Variants in ATCAY observed in about 807,000 individuals in gnomAD.
The protein encoded by ATCAY is caytaxin.
A neutral mutation model predicts 47.7 loss-of-function variants in ATCAY; 22 were observed. The observed-to-expected ratio is 0.46, with a 90% CI of 0.33 to 0.66. The LOEUF (loss-of-function observed/expected upper bound fraction) is 0.66, where lower values mean the gene tolerates loss of function less well. Ranked by LOEUF, ATCAY falls within the 30% of genes least tolerant of loss-of-function variation. The pLI is 0.02. For missense variants in ATCAY, 452 were observed against 515.0 expected (o/e 0.88, Z 1.18); for synonymous variants, 216 against 207.6 (o/e 1.04, Z -0.35).
Position 3,917,755 on chromosome 19 carries a change from A to T in ATCAY, c.979A>T (p.Arg327Ter). 1 of 1,613,522 alleles carries T rather than the reference A, an allele frequency of 6.2e-7. No individual in the cohort carries two copies. Among genetic ancestry groups the T allele is most frequent in the East Asian group, 2.2e-5 (1 of 44,850 alleles). ...PDCVLQYEEE[R>*]LKARRESARP... is the part of the protein sequence containing the mutation. ...TCTTTCTTTCAGATACGAAGAGGAAAGACTGAAGGCCAGGAGGGAGAGGTG... is the reference window on the plus strand; with the variant it reads ...TCTTTCTTTCAGATACGAAGAGGAATGACTGAAGGCCAGGAGGGAGAGGTG... The change falls in exon 10 of 13, where the codon AGA becomes TGA. Residue 327 changes from arginine to a stop codon, truncating the protein, a stop_gained. Coordinates refer to ENST00000450849, the MANE Select transcript of ATCAY (RefSeq NM_033064.5). LOFTEE classifies it high-confidence loss of function.
At chr19:3,912,932 A>G (rs2038935950) in intron 8 of ATCAY, among the ~76,000 whole-genome samples, 1 of 150,862 alleles carries the variant, frequency 6.6e-6, no homozygotes, top group South Asian at 2.1e-4. Flanking sequence ...ACCACATGGT[A>G]TCAGATGGCC....
At chr19:3,915,847 G>A (rs778336255) in intron 9 of ATCAY, among the ~76,000 whole-genome samples, 77 of 149,740 alleles carry the variant, frequency 5.1e-4, no homozygotes, top group Admixed American at 1.0e-3. Context: ...GAGCCACCAC[G>A]CCTGGCCGAT....
At chr19:3,883,471 C>T (rs529649071) in intron 1 of ATCAY, among the ~76,000 whole-genome samples, 5 of 152,298 alleles carry the variant, frequency 3.3e-5, no homozygotes, top group Non-Finnish European at 5.9e-5. Context: ...GAAATCCTTT[C>T]GCAAACACGG....
At chr19:3,883,394 GAGAC>G (rs2038620365) in intron 1 of ATCAY, among the ~76,000 whole-genome samples, 1 of 152,184 alleles carries the variant, frequency 6.6e-6, no homozygotes, top group Admixed American at 6.6e-5. Flanking sequence ...AAGCTGTTGA[GAGAC>G]AGACAGAGGT....
intron 2 of ATCAY, 100 bp from the exon 3 acceptor site, chr19:3,902,387 G>T: frequency 1.8e-6 from 2 of 1,107,150 alleles, no homozygotes; most frequent in Middle Eastern, 2.7e-4. Context: ...TTTTGTTCTT[G>T]TCTGACTCGC....
In ATCAY at chr19:3,926,562, G is replaced by A. The variant is rs1463991939; in HGVS notation, c.*1970G>A. 1 of 152,252 alleles carries A rather than the reference G, an allele frequency of 6.6e-6. No individual in the cohort carries two copies. Among genetic ancestry groups the A allele is most frequent in the African/African-American group, 2.4e-5 (1 of 41,464 alleles). 9.4% of individuals were successfully genotyped at this position (152,252 alleles called of 1,614,324 possible). ...TCTTGACCTGAGACAGCAAGGAATT[G>A]CATTTGGGGTTATTCCAACGATGAT... On this transcript the variant is annotated 3_prime_UTR_variant, in exon 13 of 13. Coordinates refer to ENST00000450849, the MANE Select transcript of ATCAY (RefSeq NM_033064.5).
At chr19:3,919,234 T>C (rs2038994779) in intron 11 of ATCAY, among the ~76,000 whole-genome samples, 1 of 149,598 alleles carries the variant, frequency 6.7e-6, no homozygotes, top group Non-Finnish European at 1.5e-5. Context: ...GCCGAGATAG[T>C]ACCACTGCAC....
chr19:3,895,642 A>G (rs1389609902), intron 2 of ATCAY, among the ~76,000 whole-genome samples: 1 of 148,362 alleles, frequency 6.7e-6, no homozygotes, highest in Non-Finnish European at 1.5e-5. Context: ...AGGCATTCCC[A>G]CCCTTTCTCC....
rs767102679 is a variant in ATCAY at position 3,907,641 on chromosome 19, G to A, written c.359-93G>A. 30 of 1,478,174 alleles carry A rather than the reference G, an allele frequency of 2.0e-5. No homozygotes were observed. Among genetic ancestry groups the A allele is most frequent in the African/African-American group, 4.2e-5 (3 of 71,120 alleles). The allele number at this position is 1,478,174 out of a possible 1,614,324, so 91.6% of individuals were successfully genotyped here. On this transcript the variant is annotated intron_variant, in intron 4 of 12. Coordinates refer to ENST00000450849, the MANE Select transcript of ATCAY (RefSeq NM_033064.5). This position sits in a 1 kb window ranked among gnomAD's most constrained non-coding sequence, Gnocchi z 5.1. ...CGAAGGACTTGTGGGTCCCGGCAGC[G>A]AGGGAGGTGGGAGAGGGGAAGGAAG...
At chr19:3,917,929 C>T (rs933439274) in intron 10 of ATCAY, among the ~76,000 whole-genome samples, 152 bp downstream of exon 10, 1 of 152,154 alleles carries the variant, frequency 6.6e-6, no homozygotes, top group African/African-American at 2.4e-5. Context: ...GGACTTTAAA[C>T]TCAGACCTGG....
intron 1 of ATCAY, among the ~76,000 whole-genome samples, chr19:3,881,845 G>T (rs1052849304): frequency 6.7e-6 from 1 of 150,228 alleles, no homozygotes; most frequent in East Asian, 2.0e-4. Flanking sequence ...CGCGGGAAGG[G>T]CCTGGCTGGC....
At chr19:3,903,471 C>T (rs574027055) in intron 3 of ATCAY, among the ~76,000 whole-genome samples, 69 of 152,036 alleles carry the variant, frequency 4.5e-4, no homozygotes, top group African/African-American at 1.6e-3. Flanking sequence ...TGGCAGCCAG[C>T]CCCACTTAAC....
Position 3,907,922 on chromosome 19 carries a change from G to A in ATCAY, c.544+3G>A, listed in dbSNP as rs2038878795. On this transcript the variant is annotated splice_donor_region_variant and intron_variant, in intron 5 of 12. Coordinates refer to ENST00000450849, the MANE Select transcript of ATCAY (RefSeq NM_033064.5). The surrounding 1 kb of genome is among the most constrained non-coding windows in gnomAD (Gnocchi z 5.1). Reference sequence around the variant, plus strand: ...CATGAAAGTGGTCACCCACGGAGGTGAGACCCGCCCCCCGGTGCCCCCTTG... The same window carrying A: ...CATGAAAGTGGTCACCCACGGAGGTAAGACCCGCCCCCCGGTGCCCCCTTG... The A allele has an allele frequency of 1.9e-6, 3 of 1,612,642 alleles. No individual in the cohort carries two copies. The highest frequency in any genetic ancestry group is 2.5e-6 in the Non-Finnish European group (3 of 1,179,342).
In ATCAY at chr19:3,886,368, G is replaced by A. The variant is rs184507519; in HGVS notation, c.77+524G>A. ...AGCACTTTGGGAGGCCGAGGCGGGC[G>A]GATCATGAGGTCAGCAGATGGAAAC... is the stretch of plus-strand genomic sequence containing the variant. On this transcript the variant is annotated intron_variant, in intron 2 of 12. Transcript: ENST00000450849. 4.6e-5 allele frequency among the ~76,000 whole-genome samples: 7 copies of A among 152,170 alleles called. No homozygotes were observed. The East Asian group carries it at 1.2e-3, about 25-fold the overall frequency.
At position 3,883,016 on chromosome 19, in the gene ATCAY, C is replaced by A. The variant is rs142006840; in HGVS notation, c.-42+2008C>A. 3.5e-3 allele frequency among the ~76,000 whole-genome samples: 536 copies of A among 151,838 alleles called. 2 individuals carry two copies. Among genetic ancestry groups the A allele is most frequent in the African/African-American group, 0.013 (518 of 41,406 alleles). Reference sequence around the variant, plus strand: ...CCCAGGCTGGTCTCGAACCCCTGGTCTCAAGTGATCTGCCCAAAGTGCTGG... The same window carrying A: ...CCCAGGCTGGTCTCGAACCCCTGGTATCAAGTGATCTGCCCAAAGTGCTGG... On this transcript the variant is annotated intron_variant, in intron 1 of 12. Transcript: ENST00000450849.
intron 10 of ATCAY, 125 bp downstream of exon 10, chr19:3,917,902 C>A (rs146935439): frequency 1.0e-6 from 1 of 999,856 alleles, no homozygotes; most frequent in Non-Finnish European, 1.4e-6. Context: ...GGGCTCAAGA[C>A]GCTGCCCTTC....
At chr19:3,887,038 G>T (rs1439835159) in intron 2 of ATCAY, among the ~76,000 whole-genome samples, 5 of 152,028 alleles carry the variant, frequency 3.3e-5, no homozygotes, top group African/African-American at 7.2e-5. Context: ...CCCACCACAC[G>T]GAGCGCCACA....
rs11671589 is a variant in ATCAY at position 3,881,872 on chromosome 19, C to G, written c.-42+864C>G. ...CTGGCTGGCTGCTGCCACCGCCCCCCCCCCGACCCCATAGCATCCAGGAGG... is the reference window on the plus strand; with the variant it reads ...CTGGCTGGCTGCTGCCACCGCCCCCGCCCCGACCCCATAGCATCCAGGAGG... On this transcript the variant is annotated intron_variant, in intron 1 of 12. Transcript: ENST00000450849. Among the ~76,000 whole-genome samples the G allele has an allele frequency of 1.0e-3, 150 of 144,558 alleles. 5 individuals are homozygous for G. Among genetic ancestry groups the G allele is most frequent in the Middle Eastern group, 3.5e-3 (1 of 286 alleles). 94.8% of individuals were successfully genotyped at this position (144,558 alleles called of 152,430 possible).
chr19:3,917,853 C>T, intron 10 of ATCAY, 76 bp downstream of exon 10: 1 of 1,525,512 alleles, frequency 6.6e-7, no homozygotes, highest in Non-Finnish European at 8.9e-7. Flanking sequence ...TTAGGGCAAC[C>T]CGGTGACTTC....
Sources: gnomAD v4.1 joint callset for allele counts (sites outside exome capture counted in the v4.1 genomes callset) on GRCh38, gnomAD v4.1.1 for gene constraint, Gnocchi (gnomAD v3.1) non-coding constraint, MANE v1.5 for transcripts, NCBI Gene and HGNC (gene_info 2026-07-23, HGNC 2026-07-21) for gene names.